The following ADAMTSL1 variants were observed in gnomAD, a reference collection of about 807,000 sequenced individuals.
ADAMTSL1 encodes ADAMTS like 1, also known as ADAMTS-like protein 1.
Under a neutral mutation model 201.8 loss-of-function variants are expected in ADAMTSL1, and 126 were observed. The observed-to-expected ratio is 0.62, with a 90% confidence interval of 0.54 to 0.72. ADAMTSL1 has a LOEUF of 0.72. ADAMTSL1 is among the 30% of genes least tolerant of loss of function. ADAMTSL1 has a pLI of 0.00. For missense variants in ADAMTSL1, 2,679 were observed against 2,277.8 expected (o/e 1.18, Z -3.59); for synonymous variants, 1,121 against 903.4 (o/e 1.24, Z -4.32).
intron 4 of ADAMTSL1, among the ~76,000 whole-genome samples, chr9:18,591,594 C>T (rs908854728): frequency 2.0e-5 from 3 of 152,122 alleles, no homozygotes; most frequent in Admixed American, 6.6e-5. Flanking sequence ...CCTCTCTCTT[C>T]CTTTTTTACT....
At chr9:18,309,075 T>A (rs983148237) in intron 2 of ADAMTSL1, among the ~76,000 whole-genome samples, 7 of 152,142 alleles carry the variant, frequency 4.6e-5, no homozygotes, top group African/African-American at 1.7e-4. Context: ...ACAAAACCAA[T>A]GACAAAAACC....
intron 14 of ADAMTSL1, among the ~76,000 whole-genome samples, chr9:18,720,387 G>A (rs1048340632): frequency 5.3e-5 from 8 of 152,152 alleles, no homozygotes; most frequent in East Asian, 1.9e-4. Flanking sequence ...AGCTCTTAGC[G>A]TTGGTACCTG....
chr9:18,112,454 T>A (rs1490836132), intron 1 of ADAMTSL1, among the ~76,000 whole-genome samples: 1 of 151,936 alleles, frequency 6.6e-6, no homozygotes, highest in East Asian at 1.9e-4. Flanking sequence ...CCCATAACAG[T>A]TATATACTCA....
intron 2 of ADAMTSL1, among the ~76,000 whole-genome samples, chr9:18,308,857 A>G (rs1469767209): frequency 6.6e-6 from 1 of 152,130 alleles, no homozygotes; most frequent in African/African-American, 2.4e-5. Flanking sequence ...TCATCCTGAA[A>G]CCAAACCTGG....
intron 1 of ADAMTSL1, among the ~76,000 whole-genome samples, chr9:18,013,572 C>T (rs530527979): frequency 3.3e-5 from 5 of 152,084 alleles, no homozygotes; most frequent in Admixed American, 6.6e-5. Context: ...GATTCTAAAA[C>T]CTTAACTGAG....
intron 2 of ADAMTSL1, among the ~76,000 whole-genome samples, chr9:18,412,735 C>T (rs1346611159): frequency 2.6e-5 from 4 of 152,150 alleles, no homozygotes. Flanking sequence ...AGCCCCTTCT[C>T]CATTTATTCT....
intron 17 of ADAMTSL1, among the ~76,000 whole-genome samples, chr9:18,775,471 A>G (rs972806800): frequency 1.3e-5 from 2 of 152,164 alleles, no homozygotes; most frequent in African/African-American, 4.8e-5. Flanking sequence ...GGATTTAAAC[A>G]CTCCATAACT....
intron 20 of ADAMTSL1, among the ~76,000 whole-genome samples, chr9:18,815,534 AC>A (rs1165796404): frequency 2.0e-5 from 3 of 150,978 alleles, no homozygotes; most frequent in African/African-American, 7.3e-5. Flanking sequence ...ACAAAAAAAT[AC>A]AAAAAATACA....
chr9:18,572,980 A>T (rs1822437542), intron 3 of ADAMTSL1, among the ~76,000 whole-genome samples: 1 of 152,196 alleles, frequency 6.6e-6, no homozygotes, highest in Non-Finnish European at 1.5e-5. Context: ...CTTCCAAGGG[A>T]TAGGCAATAT....
At chr9:18,707,083 T>A in intron 14 of ADAMTSL1, 35 bp downstream of exon 14, 6 of 1,587,872 alleles carry the variant, frequency 3.8e-6, no homozygotes, top group African/African-American at 1.3e-5. Flanking sequence ...ATCCCCGCCA[T>A]CTTCTTGCTC....
At chr9:18,209,810 G>A (rs979834402) in intron 2 of ADAMTSL1, among the ~76,000 whole-genome samples, 32 of 151,964 alleles carry the variant, frequency 2.1e-4, no homozygotes, top group Non-Finnish European at 8.8e-5. Flanking sequence ...TTGTTAATTG[G>A]TGACTTTGGT....
At chr9:18,871,405 C>T (rs970175552) in intron 23 of ADAMTSL1, among the ~76,000 whole-genome samples, 2 of 152,122 alleles carry the variant, frequency 1.3e-5, no homozygotes, top group Non-Finnish European at 2.9e-5. Context: ...CCTTTGATAT[C>T]TCTTCTTCCT....
intron 1 of ADAMTSL1, among the ~76,000 whole-genome samples, chr9:18,013,063 A>C (rs1332606862): frequency 6.6e-6 from 1 of 151,684 alleles, no homozygotes; most frequent in Admixed American, 6.6e-5. Flanking sequence ...CTTAGATTTT[A>C]AGTATCATAA....
chr9:18,662,600 G>C (rs1202425864), intron 9 of ADAMTSL1, among the ~76,000 whole-genome samples: 1 of 152,148 alleles, frequency 6.6e-6, no homozygotes, highest in African/African-American at 2.4e-5. Context: ...CTTTGCTAAA[G>C]AGAAAGAACT....
chr9:18,094,210 G>T (rs1271827322), intron 1 of ADAMTSL1, among the ~76,000 whole-genome samples: 2 of 152,168 alleles, frequency 1.3e-5, no homozygotes, highest in Non-Finnish European at 2.9e-5. Context: ...ACCGTTTCAA[G>T]AATTTATCTC....
chr9:18,531,043 T>C (rs1328271684), intron 2 of ADAMTSL1, among the ~76,000 whole-genome samples: 2 of 152,124 alleles, frequency 1.3e-5, no homozygotes, highest in Non-Finnish European at 2.9e-5. Flanking sequence ...ATTGTTGGAG[T>C]CAGAAACCTG....
rs1831974177 is a variant in ADAMTSL1, at chr9:18,702,366, T to G, written c.1575-4381T>G. On this transcript the variant is annotated intron_variant, in intron 13 of 28. Transcript: ENST00000380548. The stretch of plus-strand genomic sequence containing the variant: ...TCAACCAAGAGTAAGTTGTTTTTGT[T>G]TATCAGTATATTAATAAAGTGATTA... Among the ~76,000 whole-genome samples the G allele has an allele frequency of 2.0e-5, 3 of 152,218 alleles. No homozygotes were observed. The South Asian group carries it at 6.2e-4, about 32-fold the overall frequency.
rs534639140 is a variant in ADAMTSL1, at chr9:18,327,603, G to A, written c.207+163622G>A. On this transcript the variant is annotated intron_variant, in intron 2 of 29. Transcript: ENST00000680146. ...CTTGGGGTTTCTAAAGCCACAGAGC[G>A]AGGCAGAGATCACCAATAGTTACAC... Among the ~76,000 whole-genome samples, 5 of 152,286 alleles carry A rather than the reference G, an allele frequency of 3.3e-5. No homozygotes were observed. The East Asian group carries it at 7.7e-4, about 24-fold the overall frequency.
chr9:18,024,625 C>T lies in ADAMTSL1; in HGVS notation c.87+117703C>T, dbSNP rs116422659. Among the ~76,000 whole-genome samples, 493 of 152,200 alleles carry T rather than the reference C, an allele frequency of 3.2e-3. 3 individuals are homozygous for T. The highest frequency in any genetic ancestry group is 0.011 in the African/African-American group (458 of 41,532). Reference sequence around the variant, plus strand: ...TCTTTTTTATGGCCATATAGTATTCCACGGTGTATATGTTCCACATTTTCT... The same window carrying T: ...TCTTTTTTATGGCCATATAGTATTCTACGGTGTATATGTTCCACATTTTCT... On this transcript the variant is annotated intron_variant, in intron 1 of 29. Coordinates refer to the ADAMTSL1 transcript ENST00000680146.
Sources: gnomAD v4.1 joint callset for allele counts (sites outside exome capture counted in the v4.1 genomes callset) on GRCh38, gnomAD v4.1.1 for gene constraint, MANE v1.5 for transcripts, NCBI Gene and HGNC (gene_info 2026-07-23, HGNC 2026-07-21) for gene names.